RBFOX1: variants seen among roughly 807,000 people sequenced by gnomAD.
RBFOX1 encodes the protein RNA binding protein fox-1 homolog 1.
Under a neutral mutation model 57.7 loss-of-function variants are expected in RBFOX1, and 8 were observed. The observed-to-expected ratio is 0.14, with a 90% CI of 0.08 to 0.25. The LOEUF (loss-of-function observed/expected upper bound fraction) is 0.25. Among genes scored for constraint, RBFOX1 ranks in the 10% least tolerant of loss-of-function variants. RBFOX1 has a pLI of 1.00. For synonymous variants in RBFOX1, 326 were observed against 222.4 expected, an observed-to-expected ratio of 1.47 and a Z score of -4.15; for missense variants, 611 against 548.5, an observed-to-expected ratio of 1.11 and a Z score of -1.14.
In RBFOX1 at chr16:6,678,679, C is replaced by A. The variant is rs150084521; in HGVS notation, c.-16+24029C>A. Among the ~76,000 whole-genome samples, 1,379 of 151,756 alleles carry A rather than the reference C, an allele frequency of 9.1e-3. 11 individuals carry two copies. Among genetic ancestry groups the A allele is most frequent in the South Asian group, 0.017 (83 of 4,794 alleles). ...CTTCTAAGACACAAGATACACAGAACAAATGTAGGGAATCCTTTAAGCTCT... is the reference window on the plus strand; with the variant it reads ...CTTCTAAGACACAAGATACACAGAAAAAATGTAGGGAATCCTTTAAGCTCT... On this transcript the variant is annotated intron_variant, in intron 3 of 15. Coordinates refer to ENST00000550418, the MANE Select transcript of RBFOX1 (RefSeq NM_018723.4).
chr16:5,392,686 C>G (rs962698267), intron 1 of RBFOX1, among the ~76,000 whole-genome samples: 3 of 152,012 alleles, frequency 2.0e-5, no homozygotes, highest in Admixed American at 1.3e-4. Flanking sequence ...CTTCTTCAAA[C>G]CTAGATGTAT....
chr16:5,383,370 T>C (rs916501009), intron 1 of RBFOX1, among the ~76,000 whole-genome samples: 1 of 152,198 alleles, frequency 6.6e-6, no homozygotes, highest in Non-Finnish European at 1.5e-5. Context: ...CCACTTTGCT[T>C]GCCAAAACTC....
chr16:6,619,196 C>G (rs2098189186), intron 2 of RBFOX1, among the ~76,000 whole-genome samples: 1 of 152,124 alleles, frequency 6.6e-6, no homozygotes. Flanking sequence ...TCTGATGTCT[C>G]ATGCCTCTGT....
chr16:5,452,927 C>G (rs907841701), intron 1 of RBFOX1, among the ~76,000 whole-genome samples: 12 of 152,152 alleles, frequency 7.9e-5, no homozygotes, highest in African/African-American at 2.9e-4. Flanking sequence ...CCACCACGCT[C>G]TGCGAAACCT....
chr16:7,483,390 C>T (rs1231827274), intron 4 of RBFOX1, among the ~76,000 whole-genome samples: 1 of 152,220 alleles, frequency 6.6e-6, no homozygotes, highest in Non-Finnish European at 1.5e-5. Flanking sequence ...CTTCTAGATT[C>T]ATTTCCCTTA....
chr16:7,331,781 G>A (rs896477930), intron 4 of RBFOX1, among the ~76,000 whole-genome samples: 2 of 152,070 alleles, frequency 1.3e-5, no homozygotes, highest in Non-Finnish European at 2.9e-5. Flanking sequence ...ACCCAAGTCA[G>A]TATAATTCCA....
chr16:7,219,916 T>A (rs554342475), intron 4 of RBFOX1, among the ~76,000 whole-genome samples: 4 of 152,214 alleles, frequency 2.6e-5, no homozygotes, highest in Admixed American at 1.3e-4. Flanking sequence ...AAAAATAGAA[T>A]GATCAGTAGG....
chr16:5,377,838 A>G (rs1452200511), intron 1 of RBFOX1, among the ~76,000 whole-genome samples: 1 of 151,586 alleles, frequency 6.6e-6, no homozygotes, highest in African/African-American at 2.4e-5. Flanking sequence ...TTGTGAGAAC[A>G]TTTTCAACAC....
chr16:7,475,591 G>C (rs541568112), intron 4 of RBFOX1, among the ~76,000 whole-genome samples: 2 of 152,292 alleles, frequency 1.3e-5, no homozygotes, highest in African/African-American at 4.8e-5. Context: ...GGGATTACAG[G>C]TGTGAGCCAC....
intron 3 of RBFOX1, among the ~76,000 whole-genome samples, chr16:6,690,381 A>G (rs902162321): frequency 6.6e-6 from 1 of 152,182 alleles, no homozygotes; most frequent in African/African-American, 2.4e-5. Flanking sequence ...TCCATTCGTG[A>G]CAAAAATTCA....
chr16:5,870,325 A>C (rs762473319), intron 4 of RBFOX1, among the ~76,000 whole-genome samples: 1 of 148,978 alleles, frequency 6.7e-6, no homozygotes, highest in African/African-American at 2.5e-5. Flanking sequence ...AAACTGATAG[A>C]GCTCTACAAT....
At chr16:6,502,060 T>C (rs2095949984) in intron 2 of RBFOX1, among the ~76,000 whole-genome samples, 1 of 152,200 alleles carries the variant, frequency 6.6e-6, no homozygotes, top group Non-Finnish European at 1.5e-5. Flanking sequence ...GGTTTCCTAG[T>C]TTCCAGGGAA....
chr16:5,862,748 G>A lies in RBFOX1; in HGVS notation c.319-4555G>A, dbSNP rs374212674. On this transcript the variant is annotated intron_variant, in intron 3 of 19. Transcript: ENST00000641259. ...TTCCTTCCTGTGCTTGAGCCATTTTGAGTTGTTTTTGTGTCATGTTTCCGA... is the reference window on the plus strand; with the variant it reads ...TTCCTTCCTGTGCTTGAGCCATTTTAAGTTGTTTTTGTGTCATGTTTCCGA... Among the ~76,000 whole-genome samples the A allele has an allele frequency of 1.3e-4, 20 of 152,246 alleles. 1 individual carries two copies. The South Asian group carries it at 3.7e-3, about 28-fold the overall frequency.
chr16:5,597,326 C>T (rs183116736), intron 2 of RBFOX1, among the ~76,000 whole-genome samples: 1 of 146,370 alleles, frequency 6.8e-6, no homozygotes, highest in African/African-American at 2.5e-5. Flanking sequence ...CAGGGTCTTG[C>T]TTGAGACACA....
At chr16:6,743,150 A>C (rs1286981414) in intron 3 of RBFOX1, among the ~76,000 whole-genome samples, 1 of 152,174 alleles carries the variant, frequency 6.6e-6, no homozygotes, top group Non-Finnish European at 1.5e-5. Context: ...TGTTACTGTA[A>C]ACCCTTAAGT....
intron 4 of RBFOX1, among the ~76,000 whole-genome samples, chr16:7,162,083 A>G (rs1341430685): frequency 6.6e-6 from 1 of 152,190 alleles, no homozygotes; most frequent in Admixed American, 6.5e-5. Flanking sequence ...AGCTCCTCAC[A>G]AGGGAGTTGG....
chr16:7,658,254 A>G (rs1033055510), intron 12 of RBFOX1, among the ~76,000 whole-genome samples: 1 of 152,056 alleles, frequency 6.6e-6, no homozygotes, highest in African/African-American at 2.4e-5. Flanking sequence ...CTCTCCCTCT[A>G]TGCATTATTT....
chr16:5,449,987 A>G (rs192105119), intron 1 of RBFOX1, among the ~76,000 whole-genome samples: 3 of 152,324 alleles, frequency 2.0e-5, no homozygotes, highest in Admixed American at 2.0e-4. Flanking sequence ...TGGTGTAAAG[A>G]TAATAATAAT....
intron 2 of RBFOX1, among the ~76,000 whole-genome samples, chr16:6,632,046 G>A (rs2098391352): frequency 6.6e-6 from 1 of 152,148 alleles, no homozygotes; most frequent in Non-Finnish European, 1.5e-5. Context: ...TTTGGATAAT[G>A]TTTGGACAAT....
Sources: gnomAD v4.1 joint callset for allele counts (sites outside exome capture counted in the v4.1 genomes callset) on GRCh38, gnomAD v4.1.1 for gene constraint, MANE v1.5 for transcripts, NCBI Gene and HGNC (gene_info 2026-07-23, HGNC 2026-07-21) for gene names.